The following GLYATL1 variants were observed in gnomAD, a reference collection of about 807,000 sequenced individuals.
GLYATL1 encodes the protein glycine-N-acyltransferase like 1, also known as glycine N-acyltransferase-like protein 1.
A neutral mutation model predicts 20.0 loss-of-function variants in GLYATL1; 15 were observed. That is an observed-to-expected ratio of 0.75 (90% CI 0.50 to 1.15). The LOEUF (loss-of-function observed/expected upper bound fraction) is 1.15, where lower values mean the gene tolerates loss of function less well. GLYATL1 is among the 50% of genes most tolerant of loss of function. The pLI is 0.00. For synonymous variants in GLYATL1, 151 were observed against 131.5 expected (o/e 1.15, Z -1.01); for missense variants, 380 against 368.5 (o/e 1.03, Z -0.26).
chr11:58,909,340 T>C (rs1243608690), downstream of GLYATL1, among the ~76,000 whole-genome samples: 1 of 152,176 alleles, frequency 6.6e-6, no homozygotes, highest in African/African-American at 2.4e-5. Context: ...TAGTTAACAA[T>C]ATTGTATACT....
intron 1 of GLYATL1, among the ~76,000 whole-genome samples, chr11:58,933,404 T>C (rs1364285770): frequency 1.3e-5 from 2 of 152,198 alleles, no homozygotes; most frequent in African/African-American, 4.8e-5. Context: ...CCTCCTGATT[T>C]TACTCCCTCC....
At chr11:58,913,508 A>G (rs992478644), downstream of GLYATL1, among the ~76,000 whole-genome samples, 2 of 152,208 alleles carry the variant, frequency 1.3e-5, no homozygotes, top group Non-Finnish European at 2.9e-5. Context: ...TAGATATTCA[A>G]TCACTTTGAT....
At chr11:58,931,485 T>A (rs974996003) in intron 1 of GLYATL1, among the ~76,000 whole-genome samples, 3 of 152,048 alleles carry the variant, frequency 2.0e-5, no homozygotes, top group African/African-American at 7.2e-5. Context: ...GGAGAAAAAA[T>A]GAACAATTCA....
downstream of GLYATL1, among the ~76,000 whole-genome samples, chr11:58,913,543 C>T (rs1175297077): frequency 6.6e-6 from 1 of 152,160 alleles, no homozygotes; most frequent in Admixed American, 6.5e-5. Flanking sequence ...ACACTTCTTA[C>T]AAAACTACTT....
In GLYATL1 at chr11:58,946,915, T is replaced by G. The variant is rs144141283; in HGVS notation, c.-42-131T>G. ...GAAATTTACTTAGTCCCTCTGAGATTTGGTGTATTCAGAATGAATATGATA... is the reference window on the plus strand; with the variant it reads ...GAAATTTACTTAGTCCCTCTGAGATGTGGTGTATTCAGAATGAATATGATA... On this transcript the variant is annotated intron_variant, in intron 2 of 6. Coordinates refer to ENST00000532726, the MANE Select transcript of GLYATL1 (RefSeq NM_001389712.2). 2.9e-4 allele frequency: 210 copies of G among 727,528 alleles called. 1 individual carries two copies. In the African/African-American group the frequency reaches 3.1e-3, roughly 11 times the overall value. The allele number at this position is 727,528 out of a possible 1,614,324, so 45.1% of individuals were successfully genotyped here.
chr11:58,938,262 T>A (rs1330250148), upstream of GLYATL1, among the ~76,000 whole-genome samples: 2 of 152,186 alleles, frequency 1.3e-5, no homozygotes, highest in Non-Finnish European at 2.9e-5. Context: ...ATCTCAAATT[T>A]GGGAACTTTT....
At chr11:58,940,112 A>G (rs1291413535) in intron 1 of GLYATL1, among the ~76,000 whole-genome samples, 1 of 152,098 alleles carries the variant, frequency 6.6e-6, no homozygotes, top group Admixed American at 6.5e-5. Context: ...GGAATCTGGT[A>G]TTTGCCCTTG....
At chr11:58,932,833 A>C (rs1405919466) in intron 1 of GLYATL1, among the ~76,000 whole-genome samples, 2 of 152,222 alleles carry the variant, frequency 1.3e-5, no homozygotes, top group Non-Finnish European at 2.9e-5. Flanking sequence ...ATTTAGACTT[A>C]GTGGTTGTCC....
chr11:58,950,208 G>A (rs1460728619), intron 4 of GLYATL1, among the ~76,000 whole-genome samples: 3 of 150,912 alleles, frequency 2.0e-5, no homozygotes, highest in Non-Finnish European at 4.4e-5. Context: ...GGAGAATGGC[G>A]TGAAACCGGG....
In GLYATL1 at chr11:58,917,451, G is replaced by A. The variant is rs147972967; in HGVS notation, n.264+11790G>A. Among the ~76,000 whole-genome samples, 71 of 152,292 alleles carry A rather than the reference G, an allele frequency of 4.7e-4. 1 individual carries two copies. The highest frequency in any genetic ancestry group is 1.3e-3 in the African/African-American group (54 of 41,558). ...GTGGGCTAGCTTGAAATAAGTTTACGGTGGCAAAAACGTAGTGGCATGCAA... is the reference window on the plus strand; with the variant it reads ...GTGGGCTAGCTTGAAATAAGTTTACAGTGGCAAAAACGTAGTGGCATGCAA... On this transcript the variant is annotated intron_variant and non_coding_transcript_variant, in intron 1 of 2. Coordinates refer to the GLYATL1 transcript ENST00000534674.
In GLYATL1 at chr11:58,943,614, C is replaced by G; in HGVS notation, c.-95C>G. On this transcript the variant is annotated 5_prime_UTR_variant, in exon 2 of 7. An upstream open reading frame in the 5' UTR gains an earlier in-frame stop. Transcript: ENST00000532726. ...GAGCGCGAAGTGAACACGGAAGGTA[C>G]CTGCAGGATCCAATTGTGTCCATTG... 1.2e-6 allele frequency: 2 copies of G among 1,613,592 alleles called. No individual in the cohort carries two copies. The highest frequency in any genetic ancestry group is 8.5e-7 in the Non-Finnish European group (1 of 1,179,628).
intron 4 of GLYATL1, among the ~76,000 whole-genome samples, chr11:58,953,993 G>A (rs1406797937): frequency 1.3e-5 from 2 of 152,110 alleles, no homozygotes; most frequent in Non-Finnish European, 2.9e-5. Flanking sequence ...ATTACCCAGA[G>A]AGCTACCAAA....
At chr11:58,953,178 G>A (rs1857116873) in intron 4 of GLYATL1, among the ~76,000 whole-genome samples, 2 of 152,136 alleles carry the variant, frequency 1.3e-5, no homozygotes, top group African/African-American at 2.4e-5. Context: ...TTTTTAAAAG[G>A]TAGATGTTTA....
At chr11:58,932,679 A>C (rs1283832721) in intron 1 of GLYATL1, among the ~76,000 whole-genome samples, 2 of 152,238 alleles carry the variant, frequency 1.3e-5, no homozygotes, top group Non-Finnish European at 2.9e-5. Context: ...AACCTCAAAA[A>C]AGTAGTGCAA....
chr11:58,912,616 T>A (rs1855073423), downstream of GLYATL1, among the ~76,000 whole-genome samples: 2 of 152,226 alleles, frequency 1.3e-5, no homozygotes, highest in South Asian at 4.1e-4. Context: ...GGGACTTTTG[T>A]ATGCCAGATG....
At chr11:58,907,334 CT>C (rs1216980505) in exon 2 of GLYATL1, 16 of 456,198 alleles carry the variant, frequency 3.5e-5, no homozygotes, top group Non-Finnish European at 6.6e-5. Context: ...CTTTGTCTTG[CT>C]GCCCTTCCTT....
At chr11:58,912,515 A>T (rs1367391862), downstream of GLYATL1, among the ~76,000 whole-genome samples, 2 of 152,188 alleles carry the variant, frequency 1.3e-5, no homozygotes, top group Non-Finnish European at 2.9e-5. Flanking sequence ...CTCCCCAGAC[A>T]AAAGCTCTGC....
chr11:58,955,157 T>C lies in GLYATL1; in HGVS notation c.314-19T>C. 1 of 1,607,940 alleles carries C rather than the reference T, an allele frequency of 6.2e-7. No homozygotes were observed. Among genetic ancestry groups the C allele is most frequent in the Non-Finnish European group, 8.5e-7 (1 of 1,176,718 alleles). On this transcript the variant is annotated intron_variant, in intron 5 of 6. Transcript: ENST00000532726. Reference sequence around the variant, plus strand: ...GAACTCCATGTCTGACAAGATTGCTTTCTTGGCTTTCTTCCCAGGTCTTCA... The same window carrying C: ...GAACTCCATGTCTGACAAGATTGCTCTCTTGGCTTTCTTCCCAGGTCTTCA...
chr11:58,912,477 A>G (rs1210442289), downstream of GLYATL1, among the ~76,000 whole-genome samples: 1 of 152,172 alleles, frequency 6.6e-6, no homozygotes, highest in Non-Finnish European at 1.5e-5. Flanking sequence ...AAATCCTCAA[A>G]GGATAAACCT....
Sources: gnomAD v4.1 joint callset for allele counts (sites outside exome capture counted in the v4.1 genomes callset) on GRCh38, gnomAD v4.1.1 for gene constraint, MANE v1.5 for transcripts, NCBI Gene and HGNC (gene_info 2026-07-23, HGNC 2026-07-21) for gene names.